Variants in KCNN2 observed in about 807,000 individuals in gnomAD.
KCNN2 encodes potassium calcium-activated channel subfamily N member 2.
A neutral mutation model predicts 55.5 loss-of-function variants in KCNN2; 24 were observed. The ratio of observed to expected loss-of-function variants is 0.43; its 90% CI spans 0.31 to 0.61. The LOEUF is 0.61. KCNN2 is among the 20% of genes least tolerant of loss of function. The pLI is 0.08. For synonymous variants in KCNN2, 431 were observed against 336.1 expected, an observed-to-expected ratio of 1.28 and a Z score of -3.09; for missense variants, 754 against 853.6, an observed-to-expected ratio of 0.88 and a Z score of 1.45.
intron 3 of KCNN2, among the ~76,000 whole-genome samples, chr5:114,445,456 A>G (rs1385452988): frequency 6.6e-6 from 1 of 152,230 alleles, no homozygotes; most frequent in African/African-American, 2.4e-5. Context: ...TTAAGAAACA[A>G]ACACTTTAAT....
Position 114,362,605 on chromosome 5 carries a change from C to G in KCNN2, c.466C>G (p.Gln156Glu). The G allele has an allele frequency of 2.3e-6, 2 of 868,284 alleles. No homozygotes were observed. Among genetic ancestry groups the G allele is most frequent in the South Asian group, 1.8e-5 (1 of 54,286 alleles). 53.8% of individuals were successfully genotyped at this position (868,284 alleles called of 1,614,324 possible). The change falls in exon 1 of 8, where the codon CAG becomes GAG. Residue 156 changes from glutamine to glutamate, a missense_variant. By Grantham distance (29) the Gln-to-Glu change is conservative. Around this residue, in one of 4 missense-constraint regions of KCNN2, gnomAD observed 381 missense variants for 259.1 expected, o/e 1.47. Coordinates refer to ENST00000673685, the MANE Select transcript of KCNN2 (RefSeq NM_021614.4). Reference sequence around the variant, plus strand: ...CGCGCAGCAGTCGGCGTCCGCCTCCCAGTACCACCAGTGCCACAGCCTGCA... The same window carrying G: ...CGCGCAGCAGTCGGCGTCCGCCTCCGAGTACCACCAGTGCCACAGCCTGCA... ...QSAQQSASASQYHQCHSLQPA... is the reference protein window; with the variant it reads ...QSAQQSASASEYHQCHSLQPA...
At chr5:114,475,802 C>G (rs1169457195) in intron 5 of KCNN2, among the ~76,000 whole-genome samples, 1 of 152,040 alleles carries the variant, frequency 6.6e-6, no homozygotes, top group East Asian at 1.9e-4. Context: ...TTTGGTGACC[C>G]TCCTTCAGTT....
At chr5:114,234,614 C>T (rs1754434945) in intron 2 of KCNN2, among the ~76,000 whole-genome samples, 1 of 152,146 alleles carries the variant, frequency 6.6e-6, no homozygotes, top group Non-Finnish European at 1.5e-5. Context: ...TCCAAAAATA[C>T]ACTGTGCTGC....
At chr5:114,296,142 T>C (rs1756008418) in intron 2 of KCNN2, among the ~76,000 whole-genome samples, 1 of 152,198 alleles carries the variant, frequency 6.6e-6, no homozygotes, top group Non-Finnish European at 1.5e-5. Flanking sequence ...GTTTAATGAT[T>C]TGTCCTTCAG....
rs1757455489 is a variant in KCNN2, at chr5:114,362,394, C to T, written c.255C>T (p.Asn85=). The T allele has an allele frequency of 1.2e-5, 3 of 250,382 alleles. No homozygotes were observed. Among genetic ancestry groups the T allele is most frequent in the Non-Finnish European group, 2.3e-5 (3 of 132,322 alleles). The allele number at this position is 250,382 out of a possible 1,614,324, so 15.5% of individuals were successfully genotyped here. A position where few individuals can be genotyped will look rare whatever the true frequency, so the allele number is the denominator to read the frequency against. ...CCCCGGCGGCGGGGGCGGGAGATAA[C>T]CTGTCCCTGCTGCTCCGCACCTCCT... ...SGAPAAGAGD[N]LSLLLRTSSP... Residue 85 remains asparagine, a synonymous_variant, in exon 1 of 8, where the codon AAC becomes AAT. Transcript: ENST00000673685.
chr5:114,472,396 T>C (rs1397879481), intron 4 of KCNN2, among the ~76,000 whole-genome samples: 1 of 152,170 alleles, frequency 6.6e-6, no homozygotes, highest in Non-Finnish European at 1.5e-5. Context: ...TTTTTCAAAA[T>C]GAAGATGACC....
chr5:114,273,235 C>T (rs1034044715), intron 2 of KCNN2, among the ~76,000 whole-genome samples: 7 of 152,164 alleles, frequency 4.6e-5, no homozygotes, highest in African/African-American at 1.7e-4. Context: ...CATAGTATTC[C>T]ATGGTATATA....
intron 2 of KCNN2, among the ~76,000 whole-genome samples, chr5:114,328,216 T>A (rs961531187): frequency 2.0e-5 from 3 of 152,166 alleles, no homozygotes; most frequent in African/African-American, 7.2e-5. Flanking sequence ...GACTACAATT[T>A]ATAACTCCAG....
chr5:114,282,131 G>A (rs1209545327), intron 2 of KCNN2, among the ~76,000 whole-genome samples: 1 of 151,960 alleles, frequency 6.6e-6, no homozygotes. Context: ...TACTGTATCA[G>A]TCTCTATCAC....
chr5:114,163,927 C>CT (rs35432162), intron 1 of KCNN2, among the ~76,000 whole-genome samples: 1 of 151,870 alleles, frequency 6.6e-6, no homozygotes, highest in Non-Finnish European at 1.5e-5. Context: ...TATTTTCTGC[C>CT]TTTTTTTTAA....
chr5:114,222,700 A>T (rs934854418), intron 2 of KCNN2, among the ~76,000 whole-genome samples: 9 of 151,982 alleles, frequency 5.9e-5, no homozygotes, highest in African/African-American at 1.4e-4. Flanking sequence ...GACAGTGATT[A>T]AAAAAAAGAA....
intron 2 of KCNN2, among the ~76,000 whole-genome samples, chr5:114,277,623 C>G (rs1755518567): frequency 6.6e-6 from 1 of 152,132 alleles, no homozygotes; most frequent in Admixed American, 6.6e-5. Context: ...TTTGCTTGAT[C>G]AAATCAGCTA....
At chr5:114,283,510 A>T (rs1755667917) in intron 2 of KCNN2, among the ~76,000 whole-genome samples, 1 of 152,130 alleles carries the variant, frequency 6.6e-6, no homozygotes, top group South Asian at 2.1e-4. Flanking sequence ...TGGTTTGCAA[A>T]TATAGATTTT....
At position 114,492,957 on chromosome 5, in the gene KCNN2, C is replaced by T. The variant is rs538694473; in HGVS notation, c.2019-446C>T. On this transcript the variant is annotated intron_variant, in intron 6 of 7. Transcript: ENST00000673685. The stretch of plus-strand genomic sequence containing the variant: ...TCAGGTTCAAATACCTAACCCAATC[C>T]ATTTCGGACTAAACAGGGCTAATAC... Among the ~76,000 whole-genome samples, 5 of 152,148 alleles carry T rather than the reference C, an allele frequency of 3.3e-5. No homozygotes were observed. The East Asian group carries it at 7.7e-4, about 24-fold the overall frequency.
At chr5:114,330,037 G>C (rs1756785728) in intron 2 of KCNN2, among the ~76,000 whole-genome samples, 1 of 150,378 alleles carries the variant, frequency 6.6e-6, no homozygotes, top group South Asian at 2.1e-4. Flanking sequence ...CTTTGAGCCT[G>C]GCTCTCTTAG....
intron 2 of KCNN2, among the ~76,000 whole-genome samples, chr5:114,285,053 C>T (rs571965936): frequency 1.3e-4 from 20 of 151,194 alleles, no homozygotes; most frequent in Admixed American, 3.3e-4. Context: ...GAGGCTGAGG[C>T]GGGCGGATCA....
chr5:114,099,910 A>G (rs1420913938), intron 1 of KCNN2, among the ~76,000 whole-genome samples: 1 of 151,936 alleles, frequency 6.6e-6, no homozygotes, highest in Admixed American at 6.6e-5. Context: ...AAAATATTAA[A>G]TACATTATTC....
At chr5:114,095,068 G>A (rs1001561800) in intron 1 of KCNN2, among the ~76,000 whole-genome samples, 1 of 152,082 alleles carries the variant, frequency 6.6e-6, no homozygotes, top group Admixed American at 6.6e-5. Flanking sequence ...AGTAGAGAGT[G>A]AAGAATATGA....
intron 2 of KCNN2, among the ~76,000 whole-genome samples, chr5:114,369,089 T>C (rs1193224023): frequency 6.6e-6 from 1 of 152,194 alleles, no homozygotes; most frequent in Non-Finnish European, 1.5e-5. Flanking sequence ...AAAGGGAGTT[T>C]GCATTTTAAA....
Sources: allele counts gnomAD v4.1 joint callset (sites outside exome capture counted in the v4.1 genomes callset), GRCh38; gene constraint gnomAD v4.1.1; regional missense constraint gnomAD v4.1.1; transcripts MANE v1.5; gene names NCBI Gene and HGNC (gene_info 2026-07-23, HGNC 2026-07-21).